The following XPO7 variants were observed in gnomAD, a reference collection of about 807,000 sequenced individuals.
XPO7 encodes the protein exportin-7.
XPO7 carries 21 observed loss-of-function variants against 144.3 expected under a neutral mutation model. The ratio of observed to expected loss-of-function variants is 0.15; its 90% CI spans 0.10 to 0.21. XPO7 has a LOEUF of 0.21. XPO7 is among the 10% of genes least tolerant of loss of function. The pLI, the probability that XPO7 is intolerant of heterozygous loss-of-function variation, is 1.00. For synonymous variants in XPO7, 580 were observed against 499.6 expected (o/e 1.16, Z -2.15); for missense variants, 808 against 1,325.8 (o/e 0.61, Z 6.06).
chr8:21,997,087 C>T (rs1041462458), intron 21 of XPO7, among the ~76,000 whole-genome samples: 7 of 152,258 alleles, frequency 4.6e-5, no homozygotes, highest in African/African-American at 7.2e-5. Flanking sequence ...GGATTGCAGG[C>T]GTGAGCCACC....
rs896334838 is a variant in XPO7 at position 22,006,422 on chromosome 8, C to A, written c.*1334C>A. The A allele has an allele frequency of 1.3e-5, 2 of 152,152 alleles. No individual in the cohort carries two copies. The highest frequency in any genetic ancestry group is 1.5e-5 in the Non-Finnish European group (1 of 68,028). The allele number at this position is 152,152 out of a possible 1,614,324, so 9.4% of individuals were successfully genotyped here. ...ATTAGGTTTTATTTTTATTTCTTTC[C>A]TCTACCCCCAGAAACAAGCCTGTTA... is the stretch of plus-strand genomic sequence containing the variant. On this transcript the variant is annotated 3_prime_UTR_variant, in exon 28 of 28. Coordinates refer to ENST00000252512, the MANE Select transcript of XPO7 (RefSeq NM_015024.5).
intron 1 of XPO7, among the ~76,000 whole-genome samples, chr8:21,953,519 C>G (rs1312875199): frequency 6.6e-6 from 1 of 152,190 alleles, no homozygotes. Context: ...GTTTTCAAGT[C>G]ATTTGGGTAA....
At chr8:21,974,645 A>G (rs1294923902) in intron 5 of XPO7, 25 bp from the exon 6 acceptor site, 2 of 1,513,402 alleles carry the variant, frequency 1.3e-6, no homozygotes, top group East Asian at 2.4e-5. Flanking sequence ...AATTCTTTGC[A>G]TTGGTTTCTT....
chr8:21,987,984 G>T, intron 15 of XPO7, 127 bp downstream of exon 15: 1 of 1,001,688 alleles, frequency 1.0e-6, no homozygotes, highest in South Asian at 1.6e-5. Context: ...AGAAAATTGT[G>T]CATTTGAGTG....
chr8:21,989,821 CTTTTTTTTTTTTTTTTTTTTTTTTTTT>C (rs1170364778), intron 16 of XPO7, among the ~76,000 whole-genome samples: 2,664 of 59,708 alleles, frequency 0.045, 318 homozygotes, highest in South Asian at 0.27. Context: ...TAGGTGTTTC[CTTTTTTTTTTTTTTTTTTTTTTTTTTT>C]TTTTTTTTTT....
chr8:21,972,347 C>T (rs531533325), intron 5 of XPO7, among the ~76,000 whole-genome samples: 3 of 152,260 alleles, frequency 2.0e-5, no homozygotes, highest in African/African-American at 7.2e-5. Context: ...GGCGTGGTGG[C>T]ATGTGCCTGT....
chr8:21,965,826 C>G (rs558486062), intron 1 of XPO7, among the ~76,000 whole-genome samples: 4 of 152,274 alleles, frequency 2.6e-5, no homozygotes, highest in African/African-American at 7.2e-5. Context: ...GCAATTTACA[C>G]AGGTTGGTTT....
intron 27 of XPO7, 77 bp from the exon 28 acceptor site, chr8:22,004,918 T>G: frequency 1.3e-6 from 1 of 758,586 alleles, no homozygotes; most frequent in Non-Finnish European, 2.0e-6. Context: ...TTCCCATGCT[T>G]TAAAAAAAAA....
At chr8:21,961,404 C>T (rs1363619138) in intron 1 of XPO7, among the ~76,000 whole-genome samples, 2 of 151,790 alleles carry the variant, frequency 1.3e-5, no homozygotes, top group Admixed American at 6.6e-5. Context: ...TTTGTAGAGG[C>T]GGAGTCTCCC....
intron 4 of XPO7, 46 bp from the exon 5 acceptor site, chr8:21,971,830 C>G (rs757941266): frequency 6.4e-7 from 1 of 1,551,078 alleles, no homozygotes; most frequent in Non-Finnish European, 8.8e-7. Context: ...ATGCCAAAAC[C>G]AAGCACACAT....
intron 1 of XPO7, among the ~76,000 whole-genome samples, chr8:21,929,500 T>G (rs1217882952): frequency 1.3e-5 from 2 of 152,238 alleles, no homozygotes; most frequent in East Asian, 3.8e-4. Context: ...CAAAGCATTT[T>G]GCAAAGAACA....
At chr8:21,968,385 T>A (rs1167093157) in intron 2 of XPO7, among the ~76,000 whole-genome samples, 1 of 152,250 alleles carries the variant, frequency 6.6e-6, no homozygotes, top group Non-Finnish European at 1.5e-5. Flanking sequence ...TATCCGTTAG[T>A]AGCTGAGGGG....
At position 21,991,761 on chromosome 8, in the gene XPO7, C is replaced by A. The variant is rs1812780546; in HGVS notation, c.2042-107C>A. 4 of 687,078 alleles carry A rather than the reference C, an allele frequency of 5.8e-6. No homozygotes were observed. The South Asian group carries it at 8.2e-5, about 14-fold the overall frequency. The allele number at this position is 687,078 out of a possible 1,614,324, so 42.6% of individuals were successfully genotyped here. ...ATACCTGTTGGGATAATAAAGGGAC[C>A]CCCTTGAGTTCCCCTGGGTTTGCTC... On this transcript the variant is annotated intron_variant, in intron 18 of 27. Transcript: ENST00000252512.
intron 1 of XPO7, among the ~76,000 whole-genome samples, chr8:21,949,962 T>G (rs1239896931): frequency 6.6e-6 from 1 of 152,208 alleles, no homozygotes; most frequent in Non-Finnish European, 1.5e-5. Flanking sequence ...TGACCTCAGG[T>G]GATCTGCCTG....
At chr8:21,946,449 GATACTGT>G (rs1392104216) in intron 1 of XPO7, among the ~76,000 whole-genome samples, 1 of 151,714 alleles carries the variant, frequency 6.6e-6, no homozygotes, top group African/African-American at 2.4e-5. Context: ...AAGATCTGAA[GATACTGT>G]TCAGATTACA....
chr8:21,931,322 G>A (rs986957951), intron 1 of XPO7, among the ~76,000 whole-genome samples: 3 of 151,942 alleles, frequency 2.0e-5, no homozygotes, highest in Non-Finnish European at 4.4e-5. Context: ...GCCACCACAC[G>A]CAGTTAATTT....
chr8:21,955,398 G>C (rs539344918), intron 1 of XPO7, among the ~76,000 whole-genome samples: 1 of 152,176 alleles, frequency 6.6e-6, no homozygotes, highest in South Asian at 2.1e-4. Flanking sequence ...TTAAAGTACA[G>C]TGTTTGTCAA....
At position 21,999,333 on chromosome 8, in the gene XPO7, C is replaced by G. The variant is rs1813060635; in HGVS notation, c.2643+28C>G. The G allele has an allele frequency of 1.9e-6, 3 of 1,610,114 alleles. No homozygotes were observed. In the African/African-American group the frequency reaches 4.0e-5, roughly 21 times the overall value. On this transcript the variant is annotated intron_variant, in intron 23 of 27. Transcript: ENST00000252512. ...AAGCCTTACGCTGCATTGCCACAAT[C>G]TTGTTCCTCATCACATTCAGCCTTT...
chr8:21,941,436 G>C (rs1263247606), intron 1 of XPO7, among the ~76,000 whole-genome samples: 2 of 152,176 alleles, frequency 1.3e-5, no homozygotes, highest in East Asian at 3.9e-4. Context: ...ACAGGCAGGA[G>C]CCACTGCACT....
Sources: allele counts gnomAD v4.1 joint callset (sites outside exome capture counted in the v4.1 genomes callset), GRCh38; gene constraint gnomAD v4.1.1; transcripts MANE v1.5; gene names NCBI Gene and HGNC (gene_info 2026-07-23, HGNC 2026-07-21).